The following ZNF37A variants were observed in gnomAD, a reference collection of about 807,000 sequenced individuals.
ZNF37A encodes zinc finger protein 37A.
Under a neutral mutation model 12.3 loss-of-function variants are expected in ZNF37A, and 10 were observed. The ratio of observed to expected loss-of-function variants is 0.82; its 90% CI spans 0.50 to 1.38. The LOEUF (loss-of-function observed/expected upper bound fraction) is 1.38, where lower values mean the gene tolerates loss of function less well. ZNF37A is among the 40% of genes most tolerant of loss of function. The pLI, the probability that ZNF37A is intolerant of heterozygous loss-of-function variation, is 0.00. For missense variants in ZNF37A, 580 were observed against 651.2 expected (o/e 0.89, Z 1.19); for synonymous variants, 207 against 223.0 (o/e 0.93, Z 0.64).
In ZNF37A at chr10:38,106,076, G is replaced by A. The variant is rs147803961; in HGVS notation, c.16-8679G>A. On this transcript the variant is annotated intron_variant, in intron 5 of 7. Transcript: ENST00000685332. The stretch of plus-strand genomic sequence containing the variant: ...TTGCCTGTTCATGATCTTAGGGGGG[G>A]ATCTTTCAGTCTTTCACTGTGGAGT... 5.6e-3 allele frequency among the ~76,000 whole-genome samples: 851 copies of A among 152,198 alleles called. 16 individuals are homozygous for A. The highest frequency in any genetic ancestry group is 0.031 in the Admixed American group (467 of 15,292).
At chr10:38,112,302 T>G (rs777748167) in intron 5 of ZNF37A, among the ~76,000 whole-genome samples, 4 of 152,118 alleles carry the variant, frequency 2.6e-5, no homozygotes, top group Non-Finnish European at 5.9e-5. Flanking sequence ...AGTAAAACCT[T>G]CGGGTCTTTT....
chr10:38,142,487 C>G (rs1251994064), intron 7 of ZNF37A: 1 of 152,126 alleles, frequency 6.6e-6, no homozygotes, highest in Non-Finnish European at 1.5e-5. Flanking sequence ...TCATTGTTCT[C>G]TACATGGGGG....
At chr10:38,126,843 C>T (rs1187221046), downstream of ZNF37A, among the ~76,000 whole-genome samples, 5 of 152,156 alleles carry the variant, frequency 3.3e-5, no homozygotes, top group Non-Finnish European at 5.9e-5. Context: ...TTGCTAATAA[C>T]TAATGAGCTA....
At chr10:38,129,102 AAC>A (rs201452339), downstream of ZNF37A, among the ~76,000 whole-genome samples, 6,792 of 151,902 alleles carry the variant, frequency 0.045, 221 homozygotes, top group Middle Eastern at 0.071. Flanking sequence ...ACTCATCCAT[AAC>A]AGTGTAGAAA....
intron 7 of ZNF37A, among the ~76,000 whole-genome samples, chr10:38,135,813 C>G (rs2070100292): frequency 6.6e-6 from 1 of 152,072 alleles, no homozygotes; most frequent in African/African-American, 2.4e-5. Flanking sequence ...AGAAATCACT[C>G]TCACAAGAAC....
intron 7 of ZNF37A, among the ~76,000 whole-genome samples, chr10:38,132,642 G>C (rs1306425351): frequency 6.6e-6 from 1 of 152,054 alleles, no homozygotes; most frequent in Non-Finnish European, 1.5e-5. Flanking sequence ...CCTGCTGTAG[G>C]TTAATGTAAG....
In ZNF37A at chr10:38,114,819, C is replaced by T. The variant is rs1336374800; in HGVS notation, c.80C>T (p.Pro27Leu). The change falls in exon 6 of 8, where the codon CCT becomes CTT. Residue 27 changes from proline (P) to leucine (L), a missense_variant. Physicochemically the swap from Pro to Leu is moderately conservative, Grantham distance 98. Transcript: ENST00000685332. ...FTQEEWQHLD[P>L]AQRTLYRDVM... ...CAAGAGGAGTGGCAGCATCTGGACCCTGCTCAGAGGACCCTGTACAGGGAT... is the reference window on the plus strand; with the variant it reads ...CAAGAGGAGTGGCAGCATCTGGACCTTGCTCAGAGGACCCTGTACAGGGAT... 4 of 1,614,042 alleles carry T rather than the reference C, an allele frequency of 2.5e-6. No homozygotes were observed. The South Asian group carries it at 4.4e-5, about 18-fold the overall frequency.
intron 5 of ZNF37A, among the ~76,000 whole-genome samples, chr10:38,106,639 A>C (rs2068118873): frequency 6.6e-6 from 1 of 152,146 alleles, no homozygotes; most frequent in African/African-American, 2.4e-5. Flanking sequence ...AACTAGAATA[A>C]CCAGGTTAGA....
intron 7 of ZNF37A, among the ~76,000 whole-genome samples, chr10:38,133,005 A>T (rs1266021166): frequency 6.6e-6 from 1 of 152,134 alleles, no homozygotes; most frequent in Non-Finnish European, 1.5e-5. Flanking sequence ...TGACTCTCTT[A>T]GTGATATAGT....
At chr10:38,146,895 A>G (rs961996320) in exon 8 of ZNF37A, 3 of 395,734 alleles carry the variant, frequency 7.6e-6, no homozygotes, top group Non-Finnish European at 1.3e-5. Flanking sequence ...TTCAGAGATG[A>G]GAGCCACAAA....
At position 38,122,307 on chromosome 10, in the gene ZNF37A, T is replaced by G. The variant is rs1312345058; in HGVS notation, c.*3470T>G. On this transcript the variant is annotated 3_prime_UTR_variant, in exon 8 of 8. Transcript: ENST00000685332. ...ATAAACTGTGGAACATCCAGAAAACTTTAACATTCTTCAAAGAAATAGAAA... is the reference window on the plus strand; with the variant it reads ...ATAAACTGTGGAACATCCAGAAAACGTTAACATTCTTCAAAGAAATAGAAA... 6.6e-6 allele frequency: 1 copy of G among 151,242 alleles called. No homozygotes were observed. The highest frequency in any genetic ancestry group is 1.5e-5 in the Non-Finnish European group (1 of 67,876). 9.4% of individuals were successfully genotyped at this position (151,242 alleles called of 1,614,324 possible).
chr10:38,097,942 G>A (rs911113287), intron 5 of ZNF37A, among the ~76,000 whole-genome samples: 1 of 152,148 alleles, frequency 6.6e-6, no homozygotes, highest in African/African-American at 2.4e-5. Context: ...CCCTTAATAA[G>A]CAGTGTTGTA....
chr10:38,096,597 C>T lies in ZNF37A; in HGVS notation c.-21C>T. 2 of 1,611,648 alleles carry T rather than the reference C, an allele frequency of 1.2e-6. No homozygotes were observed. The highest frequency in any genetic ancestry group is 2.2e-5 in the East Asian group (1 of 44,814). ...AGCTACACCCTCACAGTTTGCTCTG[C>T]TCTTCCAACACCAGTGGAAGATGAT... On this transcript the variant is annotated 5_prime_UTR_variant, in exon 5 of 8. Transcript: ENST00000685332.
At chr10:38,133,509 C>T (rs2070062995) in intron 7 of ZNF37A, among the ~76,000 whole-genome samples, 1 of 144,808 alleles carries the variant, frequency 6.9e-6, no homozygotes, top group Admixed American at 7.0e-5. Context: ...TGTTCCCCAC[C>T]CTGTGTCCAA....
chr10:38,129,304 TAAA>T (rs775705417), downstream of ZNF37A, among the ~76,000 whole-genome samples: 11 of 56,910 alleles, frequency 1.9e-4, no homozygotes, highest in African/African-American at 6.1e-4. Flanking sequence ...AGACTCTGTC[TAAA>T]AAAAAAAAAA....
chr10:38,139,767 G>A (rs989695230), intron 7 of ZNF37A: 2 of 152,070 alleles, frequency 1.3e-5, no homozygotes, highest in African/African-American at 4.8e-5. Context: ...AATATTGATG[G>A]TGTCTCAAAA....
rs763417698 is a variant in ZNF37A at position 38,115,279 on chromosome 10, A to C, written c.227A>C (p.Gln76Pro). The C allele has an allele frequency of 2.3e-5, 37 of 1,613,500 alleles. No individual in the cohort carries two copies. Among genetic ancestry groups the C allele is most frequent in the Non-Finnish European group, 3.1e-5 (36 of 1,179,820 alleles). ...ATATTAGAGGAAAAATTTCCAAGCC[A>C]GAGTCATCTGGGTGAGTTAGTATGT... ...PWILEEKFPS[Q>P]SHLELINTSR... The change falls in exon 7 of 8, where the codon CAG becomes CCG. Residue 76 changes from glutamine (Q) to proline (P), a missense_variant. Physicochemically the swap from Gln to Pro is moderately conservative, Grantham distance 76. Transcript: ENST00000685332.
downstream of ZNF37A, chr10:38,124,775 C>T (rs572446340): frequency 2.6e-5 from 4 of 152,248 alleles, no homozygotes; most frequent in South Asian, 2.1e-4. Context: ...AAACTATTTT[C>T]GAGATGTCAG....
At chr10:38,111,884 C>A (rs2068690162) in intron 5 of ZNF37A, among the ~76,000 whole-genome samples, 1 of 151,422 alleles carries the variant, frequency 6.6e-6, no homozygotes, top group African/African-American at 2.4e-5. Context: ...AGTCCAGTGC[C>A]TTCTAACCTC....
Sources: gnomAD v4.1 joint callset for allele counts (sites outside exome capture counted in the v4.1 genomes callset) on GRCh38, gnomAD v4.1.1 for gene constraint, MANE v1.5 for transcripts, NCBI Gene and HGNC (gene_info 2026-07-23, HGNC 2026-07-21) for gene names.